The following KATNAL2 variants were observed in gnomAD, a reference collection of about 807,000 sequenced individuals.
KATNAL2 encodes the protein katanin catalytic subunit A1 like 2, also known as katanin p60 ATPase-containing subunit A-like 2.
In KATNAL2, 52 loss-of-function variants were observed where a neutral mutation model predicts 76.3. That is an observed-to-expected ratio of 0.68 (90% CI 0.55 to 0.86). The LOEUF is 0.86. Ranked by LOEUF, KATNAL2 falls within the 40% of genes least tolerant of loss-of-function variation. KATNAL2 has a pLI of 0.00. For missense variants in KATNAL2, 660 were observed against 668.9 expected, an observed-to-expected ratio of 0.99 and a Z score of 0.15; for synonymous variants, 243 against 244.2, an observed-to-expected ratio of 1.00 and a Z score of 0.05.
chr18:47,062,115 C>A, intron 8 of KATNAL2, among the ~76,000 whole-genome samples: 1 of 152,204 alleles, frequency 6.6e-6, no homozygotes, highest in East Asian at 1.9e-4. Context: ...TATGCTGGTT[C>A]GCACCTGTAA....
At chr18:46,955,534 C>G (rs565141643) in intron 3 of KATNAL2, among the ~76,000 whole-genome samples, 1 of 150,898 alleles carries the variant, frequency 6.6e-6, no homozygotes, top group Non-Finnish European at 1.5e-5. Flanking sequence ...TCCTTCCTTC[C>G]TTCCTTCTTT....
chr18:46,929,500 C>T (rs1253502501), intron 1 of KATNAL2, among the ~76,000 whole-genome samples: 2 of 152,112 alleles, frequency 1.3e-5, no homozygotes, highest in African/African-American at 4.8e-5. Context: ...GCCTCAGCCT[C>T]CCGAAGTGCT....
At chr18:47,048,951 C>T (rs2061253353) in intron 4 of KATNAL2, among the ~76,000 whole-genome samples, 1 of 149,786 alleles carries the variant, frequency 6.7e-6, no homozygotes, top group Non-Finnish European at 1.5e-5. Flanking sequence ...TCTCCTGCCT[C>T]AGCCTCCCGA....
intron 15 of KATNAL2, among the ~76,000 whole-genome samples, chr18:47,097,493 C>T (rs764920479): frequency 2.6e-5 from 4 of 152,162 alleles, no homozygotes; most frequent in Admixed American, 2.6e-4. Flanking sequence ...TAGAACTTCC[C>T]TCTTAGAGAC....
intron 13 of KATNAL2, among the ~76,000 whole-genome samples, chr18:47,070,332 C>G (rs9953336): frequency 0.56 from 84,913 of 151,866 alleles, 23,761 homozygotes; most frequent in Non-Finnish European, 0.59. Context: ...AACTCCTGAT[C>G]TCAGGTGATC....
chr18:46,932,009 C>G (rs1201033123), intron 1 of KATNAL2, among the ~76,000 whole-genome samples: 1 of 151,348 alleles, frequency 6.6e-6, no homozygotes, highest in Non-Finnish European at 1.5e-5. Context: ...CTCCTGGGTT[C>G]AAGTGATTCT....
intron 1 of KATNAL2, among the ~76,000 whole-genome samples, chr18:46,940,868 T>C (rs1462304607): frequency 1.3e-5 from 2 of 151,726 alleles, no homozygotes; most frequent in Non-Finnish European, 2.9e-5. Context: ...TACAGAAAAA[T>C]TTAAAAATTA....
intron 13 of KATNAL2, among the ~76,000 whole-genome samples, chr18:47,071,644 G>A (rs1030991498): frequency 3.3e-5 from 5 of 152,032 alleles, no homozygotes; most frequent in African/African-American, 9.7e-5. Context: ...CTAGGTACAC[G>A]AAGGAAGGTG....
At position 47,034,574 on chromosome 18, in the gene KATNAL2, G is replaced by A. The variant is rs368077113; in HGVS notation, c.52-11883G>A. On this transcript the variant is annotated intron_variant, in intron 3 of 17. Transcript: ENST00000683218. ...GCACACAAGGGGCGTTTTTCCTGGC[G>A]AGACGATTTGTGCCCCTTGCTGTGG... 6 of 1,614,084 alleles carry A rather than the reference G, an allele frequency of 3.7e-6. No homozygotes were observed. Among genetic ancestry groups the A allele is most frequent in the Admixed American group, 1.7e-5 (1 of 60,016 alleles).
chr18:47,079,735 G>C lies in KATNAL2; in HGVS notation c.1211+2274G>C, dbSNP rs574991093. On this transcript the variant is annotated intron_variant, in intron 15 of 17. Transcript: ENST00000683218. ...TCTTGCAGGATGTCCACACTTTCTG[G>C]ATTAGGCTCATTGTGTCCTCATGGT... Among the ~76,000 whole-genome samples the C allele has an allele frequency of 5.9e-5, 9 of 152,134 alleles. No homozygotes were observed. The East Asian group carries it at 1.7e-3, about 29-fold the overall frequency.
At chr18:46,948,310 C>A (rs1202017162) in intron 3 of KATNAL2, among the ~76,000 whole-genome samples, 1 of 151,310 alleles carries the variant, frequency 6.6e-6, no homozygotes, top group Non-Finnish European at 1.5e-5. Context: ...CAGGGTTTCA[C>A]CATGTTGCCC....
chr18:47,079,215 T>C lies in KATNAL2; in HGVS notation c.1211+1754T>C, dbSNP rs944671941. On this transcript the variant is annotated intron_variant, in intron 15 of 17. Transcript: ENST00000683218. ...AAGAAAAATAAGGACTTTTTTTACATTACTACAAAGTCATTATCACCCTAA... is the reference window on the plus strand; with the variant it reads ...AAGAAAAATAAGGACTTTTTTTACACTACTACAAAGTCATTATCACCCTAA... Among the ~76,000 whole-genome samples, 4 of 152,220 alleles carry C rather than the reference T, an allele frequency of 2.6e-5. 1 individual carries two copies. Among genetic ancestry groups the C allele is most frequent in the African/African-American group, 9.6e-5 (4 of 41,466 alleles).
intron 3 of KATNAL2, among the ~76,000 whole-genome samples, chr18:47,042,357 C>T (rs1351143813): frequency 2.0e-5 from 3 of 152,084 alleles, no homozygotes; most frequent in Non-Finnish European, 4.4e-5. Flanking sequence ...CACAGGTTGC[C>T]TTATTTGTTG....
At position 46,967,502 on chromosome 18, in the gene KATNAL2, T is replaced by TGTGC. The variant is rs1555839412; in HGVS notation, c.51+20580_51+20581insTGCG. 2.7e-3 allele frequency among the ~76,000 whole-genome samples: 276 copies of TGTGC among 101,740 alleles called. 3 individuals are homozygous for TGTGC. Among genetic ancestry groups the TGTGC allele is most frequent in the African/African-American group, 8.8e-3 (238 of 27,170 alleles). The allele number at this position is 101,740 out of a possible 152,430, so 66.7% of individuals were successfully genotyped here. ...TGGTGTGTGTGTGTGTGTGTGTGTG[T>TGTGC]GCGCGCGCGCGTCCGTGTGCGTGCT... is the stretch of plus-strand genomic sequence containing the variant. On this transcript the variant is annotated intron_variant, in intron 3 of 17. Coordinates refer to ENST00000683218, the MANE Select transcript of KATNAL2 (RefSeq NM_001387690.1).
intron 8 of KATNAL2, among the ~76,000 whole-genome samples, chr18:47,059,970 G>A (rs1048953933): frequency 1.3e-5 from 2 of 150,708 alleles, no homozygotes; most frequent in African/African-American, 2.4e-5. Flanking sequence ...ACAAACATTG[G>A]CATGATCATC....
chr18:47,063,066 C>G lies in KATNAL2; in HGVS notation c.644C>G (p.Pro215Arg). 1 of 1,613,092 alleles carries G rather than the reference C, an allele frequency of 6.2e-7. No homozygotes were observed. Among genetic ancestry groups the G allele is most frequent in the Non-Finnish European group, 8.5e-7 (1 of 1,179,090 alleles). The change falls in exon 9 of 18, where the codon CCC becomes CGC. Residue 215 changes from proline to arginine, a missense_variant. Coordinates refer to ENST00000683218, the MANE Select transcript of KATNAL2 (RefSeq NM_001387690.1). Reference sequence around the variant, plus strand: ...AACACCTTCGACCATAATCCAGACCCCTCAGTAAGTGGCGAAGATGTGACA... The same window carrying G: ...AACACCTTCGACCATAATCCAGACCGCTCAGTAAGTGGCGAAGATGTGACA... ...ALNTFDHNPD[P>R]SERLLKPLSA...
intron 3 of KATNAL2, 151 bp from the exon 4 acceptor site, chr18:47,046,306 C>A: frequency 1.7e-6 from 1 of 591,918 alleles, no homozygotes; most frequent in Non-Finnish European, 3.0e-6. Flanking sequence ...TGGAAAACAA[C>A]TTTATATGTC....
rs185158645 is a variant in KATNAL2 at position 46,924,627 on chromosome 18, G to A, written c.-510+6701G>A. Among the ~76,000 whole-genome samples the A allele has an allele frequency of 7.0e-3, 1,065 of 152,240 alleles. 9 individuals carry two copies. The highest frequency in any genetic ancestry group is 0.023 in the African/African-American group (938 of 41,530). ...AATTCTGTGAAGAAAGTCATTGATA[G>A]CTTGATGGGGAAGGCATTGAATCTA... On this transcript the variant is annotated intron_variant, in intron 1 of 17. Coordinates refer to ENST00000683218, the MANE Select transcript of KATNAL2 (RefSeq NM_001387690.1).
In KATNAL2 at chr18:46,946,759, T is replaced by C. The variant is rs2059391098; in HGVS notation, c.-19-95T>C. 3.2e-6 allele frequency: 4 copies of C among 1,245,318 alleles called. No homozygotes were observed. The Admixed American group carries it at 6.0e-5, about 19-fold the overall frequency. 77.1% of individuals were successfully genotyped at this position (1,245,318 alleles called of 1,614,324 possible). A position where few individuals can be genotyped will look rare whatever the true frequency, so the allele number is the denominator to read the frequency against. On this transcript the variant is annotated intron_variant, in intron 2 of 17. Transcript: ENST00000683218. Reference sequence around the variant, plus strand: ...CAGCGATTGGCGGGCGTGTCTGGGCTCTAGCCAATCCGGAAAGGGGCGGGC... The same window carrying C: ...CAGCGATTGGCGGGCGTGTCTGGGCCCTAGCCAATCCGGAAAGGGGCGGGC...
Sources: allele counts gnomAD v4.1 joint callset (sites outside exome capture counted in the v4.1 genomes callset), GRCh38; gene constraint gnomAD v4.1.1; transcripts MANE v1.5; gene names NCBI Gene and HGNC (gene_info 2026-07-23, HGNC 2026-07-21).